Variants in NFIB observed in about 807,000 individuals in gnomAD.
The protein encoded by NFIB is nuclear factor 1 B-type.
In NFIB, 11 loss-of-function variants were observed where a neutral mutation model predicts 61.5. The observed-to-expected ratio is 0.18, with a 90% CI of 0.11 to 0.30. NFIB has a LOEUF of 0.30. Among genes scored for constraint, NFIB ranks in the 10% least tolerant of loss-of-function variants. The pLI, the probability that NFIB is intolerant of heterozygous loss-of-function variation, is 1.00. For synonymous variants in NFIB, 260 were observed against 216.5 expected, an observed-to-expected ratio of 1.20 and a Z score of -1.76; for missense variants, 471 against 608.9, an observed-to-expected ratio of 0.77 and a Z score of 2.38.
chr9:14,375,686 C>G (rs2061411099), intron 1 of NFIB, among the ~76,000 whole-genome samples: 1 of 151,758 alleles, frequency 6.6e-6, no homozygotes, highest in Non-Finnish European at 1.5e-5. Flanking sequence ...AACCTGGGAA[C>G]ATTTTCACTT....
At chr9:14,450,337 A>G in the NFIB span, among the ~76,000 whole-genome samples, 1 of 152,206 alleles carries the variant, frequency 6.6e-6, no homozygotes, top group Non-Finnish European at 1.5e-5. Flanking sequence ...GCTTACATCA[A>G]CACAACTTTA....
At chr9:14,481,961 C>T in the NFIB span, among the ~76,000 whole-genome samples, 2 of 151,974 alleles carry the variant, frequency 1.3e-5, no homozygotes, top group Admixed American at 1.3e-4. Flanking sequence ...AGTTATTGGC[C>T]GGACTAAATG....
intron 2 of NFIB, among the ~76,000 whole-genome samples, chr9:14,244,873 A>T (rs2132071688): frequency 6.6e-6 from 1 of 152,332 alleles, no homozygotes; most frequent in Admixed American, 6.5e-5. Context: ...CTGGCCATAC[A>T]TCAGCCTAGA....
At chr9:14,089,011 T>A (rs555775983) in intron 10 of NFIB, among the ~76,000 whole-genome samples, 4 of 152,260 alleles carry the variant, frequency 2.6e-5, no homozygotes, top group African/African-American at 7.2e-5. Flanking sequence ...CTCTACAGAA[T>A]ACCCATCGTG....
intron 2 of NFIB, among the ~76,000 whole-genome samples, chr9:14,185,439 A>G (rs1051249110): frequency 6.6e-6 from 1 of 152,186 alleles, no homozygotes; most frequent in African/African-American, 2.4e-5. Flanking sequence ...GTCATACTTT[A>G]GCCTTTGGAC....
chr9:14,358,576 G>C (rs2061203623), intron 1 of NFIB, among the ~76,000 whole-genome samples: 1 of 152,182 alleles, frequency 6.6e-6, no homozygotes, highest in Non-Finnish European at 1.5e-5. Flanking sequence ...TGAGGACTGA[G>C]GTGGATTCGT....
chr9:14,241,017 C>G (rs374376570), intron 2 of NFIB, among the ~76,000 whole-genome samples: 1 of 152,202 alleles, frequency 6.6e-6, no homozygotes, highest in African/African-American at 2.4e-5. Context: ...GGTTTCTTCT[C>G]TACTCTCACA....
At chr9:14,497,963 G>T in the NFIB span, among the ~76,000 whole-genome samples, 1 of 152,212 alleles carries the variant, frequency 6.6e-6, no homozygotes, top group Non-Finnish European at 1.5e-5. Flanking sequence ...AAGATTGTCT[G>T]CACTCCTGGA....
intron 2 of NFIB, among the ~76,000 whole-genome samples, chr9:14,201,925 A>G (rs1020682401): frequency 6.6e-6 from 1 of 152,274 alleles, no homozygotes; most frequent in Non-Finnish European, 1.5e-5. Flanking sequence ...CTGAACACCT[A>G]CAGTGGTCCA....
rs977680974 is a variant in NFIB at position 14,084,338 on chromosome 9, T to C, written c.*3971A>G. On this transcript the variant is annotated 3_prime_UTR_variant, in exon 11 of 11. Transcript: ENST00000380953. ...CAAAACTATACAGTGTACAAATTAC[T>C]GTCTACAAGGTAGGCGGTTCATTAA... 9.2e-6 allele frequency: 2 copies of C among 216,952 alleles called. No homozygotes were observed. Among genetic ancestry groups the C allele is most frequent in the Admixed American group, 5.8e-5 (1 of 17,216 alleles). 13.4% of individuals were successfully genotyped at this position (216,952 alleles called of 1,614,324 possible).
chr9:14,226,579 AGC>A (rs1303054493), intron 2 of NFIB, among the ~76,000 whole-genome samples: 5 of 152,124 alleles, frequency 3.3e-5, no homozygotes, highest in African/African-American at 1.2e-4. Context: ...TGAATATATA[AGC>A]ATATTAGTCT....
the NFIB span, among the ~76,000 whole-genome samples, chr9:14,406,782 G>T: frequency 6.6e-6 from 1 of 152,150 alleles, no homozygotes; most frequent in Non-Finnish European, 1.5e-5. Flanking sequence ...CCCTCATCTG[G>T]TGACAGAATA....
chr9:14,207,091 G>A (rs553817859), intron 2 of NFIB, among the ~76,000 whole-genome samples: 95 of 152,114 alleles, frequency 6.2e-4, no homozygotes, highest in African/African-American at 2.2e-3. Flanking sequence ...TCAATATTAC[G>A]GTATCCATAG....
intron 10 of NFIB, 30 bp from the exon 11 acceptor site, chr9:14,088,356 G>T: frequency 6.8e-7 from 1 of 1,463,842 alleles, no homozygotes; most frequent in South Asian, 1.5e-5. Context: ...AGCAGGGAGG[G>T]AAGAAAAAAG....
intron 1 of NFIB, among the ~76,000 whole-genome samples, chr9:14,345,636 G>C (rs532698751): frequency 3.9e-5 from 6 of 152,296 alleles, no homozygotes; most frequent in Non-Finnish European, 5.9e-5. Flanking sequence ...CATTTGGAGA[G>C]AGCGGGCAGC....
intron 1 of NFIB, among the ~76,000 whole-genome samples, chr9:14,394,129 G>A (rs1198615312): frequency 1.3e-5 from 2 of 152,132 alleles, no homozygotes; most frequent in African/African-American, 4.8e-5. Context: ...CAGATGCAGG[G>A]GTGAATAAGA....
intron 10 of NFIB, among the ~76,000 whole-genome samples, chr9:14,091,414 C>T (rs1031446966): frequency 1.3e-5 from 2 of 151,926 alleles, no homozygotes; most frequent in African/African-American, 4.8e-5. Flanking sequence ...ATACATCTAA[C>T]TCTATATAAA....
At chr9:14,213,613 T>C (rs1194834124) in intron 2 of NFIB, among the ~76,000 whole-genome samples, 1 of 152,202 alleles carries the variant, frequency 6.6e-6, no homozygotes, top group Admixed American at 6.5e-5. Context: ...GAAACCGAAA[T>C]ACTTCAGAAA....
intron 10 of NFIB, 78 bp downstream of exon 10, chr9:14,112,919 TCC>T: frequency 7.3e-7 from 1 of 1,371,548 alleles, no homozygotes; most frequent in Non-Finnish European, 1.0e-6. Flanking sequence ...CCCTTCTGAG[TCC>T]GGATCTGAGA....
Sources: allele counts gnomAD v4.1 joint callset (sites outside exome capture counted in the v4.1 genomes callset), GRCh38; gene constraint gnomAD v4.1.1; transcripts MANE v1.5; gene names NCBI Gene and HGNC (gene_info 2026-07-23, HGNC 2026-07-21).